Variants in KCNMA1 observed in about 807,000 individuals in gnomAD.
The protein encoded by KCNMA1 is Calcium-activated potassium channel subunit alpha-1.
In KCNMA1, 29 loss-of-function variants were observed where a neutral mutation model predicts 140.0. The observed-to-expected ratio is 0.21, with a 90% CI of 0.15 to 0.28. The LOEUF (loss-of-function observed/expected upper bound fraction) is 0.28, where lower values mean the gene tolerates loss of function less well. Among genes scored for constraint, KCNMA1 ranks in the 10% least tolerant of loss-of-function variants. The pLI is 1.00. For synonymous variants in KCNMA1, 612 were observed against 611.9 expected, an observed-to-expected ratio of 1.00 and a Z score of 0.00; for missense variants, 880 against 1,602.2, an observed-to-expected ratio of 0.55 and a Z score of 7.70.
chr10:77,531,057 A>C (rs2057476735), intron 1 of KCNMA1, among the ~76,000 whole-genome samples: 1 of 152,146 alleles, frequency 6.6e-6, no homozygotes, highest in African/African-American at 2.4e-5. Context: ...CTTAGGCCAA[A>C]CAAAGCTGTT....
intron 5 of KCNMA1, among the ~76,000 whole-genome samples, chr10:77,136,325 G>T (rs1366464781): frequency 6.6e-6 from 1 of 152,100 alleles, no homozygotes; most frequent in East Asian, 1.9e-4. Flanking sequence ...TTGTAACAAG[G>T]AAAATTTTTG....
intron 20 of KCNMA1, among the ~76,000 whole-genome samples, chr10:76,955,865 G>A (rs2068061466): frequency 6.6e-6 from 1 of 152,244 alleles, no homozygotes; most frequent in South Asian, 2.1e-4. Context: ...TCCAGCCCAT[G>A]AAGAACATAT....
At chr10:77,628,129 T>G (rs958489042) in intron 1 of KCNMA1, among the ~76,000 whole-genome samples, 2 of 152,074 alleles carry the variant, frequency 1.3e-5, no homozygotes, top group African/African-American at 4.8e-5. Flanking sequence ...ATACTCATCT[T>G]ATACTCCCAA....
intron 1 of KCNMA1, among the ~76,000 whole-genome samples, chr10:77,600,717 A>C (rs983329599): frequency 2.6e-5 from 4 of 152,188 alleles, no homozygotes; most frequent in African/African-American, 9.6e-5. Context: ...ATTGCACTGC[A>C]GCCTGGGTGA....
chr10:77,024,506 C>T (rs2093206503), intron 16 of KCNMA1, among the ~76,000 whole-genome samples: 1 of 152,026 alleles, frequency 6.6e-6, no homozygotes, highest in South Asian at 2.1e-4. Flanking sequence ...ATGTTTTCAA[C>T]AATATTGTCT....
chr10:77,615,183 C>T (rs909438450), intron 1 of KCNMA1, among the ~76,000 whole-genome samples: 16 of 152,316 alleles, frequency 1.1e-4, no homozygotes, highest in African/African-American at 3.8e-4. Context: ...GGCAGGAGGG[C>T]TGGGTCTGGA....
At position 76,895,516 on chromosome 10, in the gene KCNMA1, C is replaced by T. The variant is rs530355340; in HGVS notation, c.3148-3797G>A. On this transcript the variant is annotated intron_variant, in intron 25 of 27. Transcript: ENST00000286628. ...GTTTATAGCAGCATTATTGGTAATA[C>T]CCAAAAGGTGAAAATAACCCAAATT... 7.2e-5 allele frequency among the ~76,000 whole-genome samples: 11 copies of T among 152,140 alleles called. No homozygotes were observed. In the East Asian group the frequency reaches 2.1e-3, roughly 29 times the overall value.
At chr10:76,989,133 G>A (rs1021352473) in intron 19 of KCNMA1, among the ~76,000 whole-genome samples, 1 of 152,138 alleles carries the variant, frequency 6.6e-6, no homozygotes, top group Non-Finnish European at 1.5e-5. Flanking sequence ...CAAATCACTG[G>A]AGCATAGATA....
chr10:77,491,691 G>C (rs1011866377), intron 1 of KCNMA1, among the ~76,000 whole-genome samples: 8 of 148,310 alleles, frequency 5.4e-5, no homozygotes, highest in African/African-American at 1.8e-4. Flanking sequence ...CCTCACCCTG[G>C]GGGGAAATGG....
At chr10:76,969,201 T>C (rs997277677) in intron 20 of KCNMA1, among the ~76,000 whole-genome samples, 12 of 147,632 alleles carry the variant, frequency 8.1e-5, no homozygotes, top group Non-Finnish European at 1.2e-4. Flanking sequence ...CTTCACTTGC[T>C]ATTTACCAGA....
At chr10:77,604,011 C>T (rs1164169823) in intron 1 of KCNMA1, among the ~76,000 whole-genome samples, 2 of 152,238 alleles carry the variant, frequency 1.3e-5, no homozygotes, top group East Asian at 3.8e-4. Context: ...GTGATAAAGG[C>T]CAGATATTAC....
In KCNMA1 at chr10:76,970,011, T is replaced by A; in HGVS notation, c.2323A>T (p.Met775Leu). 1 of 1,613,934 alleles carries A rather than the reference T, an allele frequency of 6.2e-7. No homozygotes were observed. Among genetic ancestry groups the A allele is most frequent in the Non-Finnish European group, 8.5e-7 (1 of 1,179,966 alleles). Residue 775 changes from methionine to leucine, a missense_variant, in exon 20 of 28, where the codon ATG (methionine) becomes TTG (leucine). Coordinates refer to ENST00000286628, the MANE Select transcript of KCNMA1 (RefSeq NM_001161352.2). ...GGCGAGGTGTTGGGTGAGTTCCGCA[T>A]GCCTCCATTCCGTTGCTTTTTTTTT... Reference protein sequence around the residue: ...SPKKKQRNGGMRNSPNTSPKL... With the variant: ...SPKKKQRNGGLRNSPNTSPKL...
At chr10:77,334,984 T>G (rs1226096041) in intron 2 of KCNMA1, among the ~76,000 whole-genome samples, 1 of 152,158 alleles carries the variant, frequency 6.6e-6, no homozygotes, top group Non-Finnish European at 1.5e-5. Flanking sequence ...TTCAAGTGTC[T>G]AACAGCCATA....
chr10:77,081,037 C>T (rs1470654960), intron 12 of KCNMA1, among the ~76,000 whole-genome samples: 1 of 152,144 alleles, frequency 6.6e-6, no homozygotes, highest in African/African-American at 2.4e-5. Context: ...TTGTCTCCTA[C>T]CTGCCCTCAG....
intron 2 of KCNMA1, among the ~76,000 whole-genome samples, chr10:77,266,357 A>G (rs1022416064): frequency 8.5e-5 from 13 of 152,172 alleles, no homozygotes; most frequent in Non-Finnish European, 1.8e-4. Flanking sequence ...TAAGACTTAG[A>G]GGGGAGAGAA....
At chr10:77,539,043 A>C (rs944850927) in intron 1 of KCNMA1, among the ~76,000 whole-genome samples, 1 of 152,126 alleles carries the variant, frequency 6.6e-6, no homozygotes, top group Admixed American at 6.5e-5. Flanking sequence ...ACACACTCCA[A>C]TACAGGCTGG....
intron 24 of KCNMA1, chr10:76,911,753 A>G (rs2050375104): frequency 6.6e-6 from 1 of 152,208 alleles, no homozygotes; most frequent in Non-Finnish European, 1.5e-5. Flanking sequence ...GGGTCTTTCA[A>G]GAGGTAGCTT....
intron 23 of KCNMA1, among the ~76,000 whole-genome samples, chr10:76,930,633 C>T (rs1366116894): frequency 6.6e-6 from 1 of 152,150 alleles, no homozygotes; most frequent in East Asian, 1.9e-4. Flanking sequence ...ATATATCCAA[C>T]AGAAATGAAA....
intron 1 of KCNMA1, among the ~76,000 whole-genome samples, chr10:77,444,432 C>T (rs1472320344): frequency 2.6e-5 from 4 of 152,166 alleles, no homozygotes; most frequent in Admixed American, 6.5e-5. Flanking sequence ...AGATGAAGTA[C>T]GGTGTAGGTG....
Sources: allele counts gnomAD v4.1 joint callset (sites outside exome capture counted in the v4.1 genomes callset), GRCh38; gene constraint gnomAD v4.1.1; transcripts MANE v1.5; gene names NCBI Gene and HGNC (gene_info 2026-07-23, HGNC 2026-07-21).